The following SHROOM3 variants were observed in gnomAD, a reference collection of about 807,000 sequenced individuals.
SHROOM3 encodes shroom family member 3.
In SHROOM3, 47 loss-of-function variants were observed where a neutral mutation model predicts 138.6. That is an observed-to-expected ratio of 0.34 (90% CI 0.27 to 0.43). The LOEUF is 0.43. Among genes scored for constraint, SHROOM3 ranks in the 20% least tolerant of loss-of-function variants. The pLI is 1.00. For synonymous variants in SHROOM3, 1,062 were observed against 1,063.3 expected (o/e 1.00, Z 0.02); for missense variants, 2,491 against 2,596.5 (o/e 0.96, Z 0.88).
At chr4:76,715,015 A>G (rs947374492) in intron 3 of SHROOM3, among the ~76,000 whole-genome samples, 1 of 152,216 alleles carries the variant, frequency 6.6e-6, no homozygotes, top group East Asian at 1.9e-4. Flanking sequence ...ACTGCAGACC[A>G]TGATGTGCTA....
At chr4:76,753,203 G>C (rs1442590763) in intron 6 of SHROOM3, among the ~76,000 whole-genome samples, 1 of 152,200 alleles carries the variant, frequency 6.6e-6, no homozygotes, top group Non-Finnish European at 1.5e-5. Flanking sequence ...GAAGGGAGGG[G>C]TTGCATCAGA....
At chr4:76,440,123 A>G (rs1342212407) in intron 1 of SHROOM3, among the ~76,000 whole-genome samples, 1 of 152,238 alleles carries the variant, frequency 6.6e-6, no homozygotes, top group African/African-American at 2.4e-5. Context: ...AGTAACAACA[A>G]TAAACAACAA....
chr4:76,667,951 A>G (rs1222077330), intron 2 of SHROOM3, among the ~76,000 whole-genome samples: 1 of 126,154 alleles, frequency 7.9e-6, no homozygotes, highest in East Asian at 2.6e-4. Context: ...TGGGCGACAG[A>G]AGGAGACTCC....
chr4:76,740,238 C>A lies in SHROOM3; in HGVS notation c.2065C>A (p.Pro689Thr). The A allele has an allele frequency of 6.2e-7, 1 of 1,613,328 alleles. No individual in the cohort carries two copies. The highest frequency in any genetic ancestry group is 8.5e-7 in the Non-Finnish European group (1 of 1,180,036). ...AGGCCGGGGAACCCAGGAGGGTTAC[C>A]CCGGGGGCAGGCCCACCTGTGCAGT... ...ELGRGTQEGY[P>T]GGRPTCAVNT... is the part of the protein sequence containing the mutation. Residue 689 changes from proline (P) to threonine (T), a missense_variant, in exon 5 of 11, where the codon CCC becomes ACC. Physicochemically the swap from Pro to Thr is conservative, Grantham distance 38 (BLOSUM62 -1). Coordinates refer to ENST00000296043, the MANE Select transcript of SHROOM3 (RefSeq NM_020859.4). This position sits in a 1 kb window ranked among gnomAD's most constrained non-coding sequence, Gnocchi z 4.0.
chr4:76,754,658 A>G lies in SHROOM3; in HGVS notation c.4175A>G (p.His1392Arg). 1 of 1,614,174 alleles carries G rather than the reference A, an allele frequency of 6.2e-7. No individual in the cohort carries two copies. Among genetic ancestry groups the G allele is most frequent in the Non-Finnish European group, 8.5e-7 (1 of 1,180,020 alleles). The part of the protein sequence containing the change: ...TPAMMHRSNG[H>R]TLTQPPGPRG... ...GCCATGATGCACAGAAGCAATGGTC[A>G]CACCCTGACCCAGCCTCCCGGTCCA... is the stretch of plus-strand genomic sequence containing the variant. Residue 1392 changes from histidine (H) to arginine (R), a missense_variant, in exon 7 of 11, where the codon CAC becomes CGC. Physicochemically the swap from His to Arg is conservative, Grantham distance 29 (BLOSUM62 0). This residue lies in a region of SHROOM3 where 1,733 missense variants were observed against 1,661.6 expected (regional missense o/e 1.04). Transcript: ENST00000296043.
At chr4:76,763,872 T>C (rs1722066278) in intron 9 of SHROOM3, among the ~76,000 whole-genome samples, 2 of 152,230 alleles carry the variant, frequency 1.3e-5, no homozygotes, top group Admixed American at 6.5e-5. Context: ...CTTTAATATA[T>C]TCAGCAAAAT....
At chr4:76,608,951 C>T (rs1247997844) in intron 2 of SHROOM3, among the ~76,000 whole-genome samples, 1 of 152,086 alleles carries the variant, frequency 6.6e-6, no homozygotes, top group Non-Finnish European at 1.5e-5. Context: ...GGGCCCTGGA[C>T]CAGCAGCATT....
intron 1 of SHROOM3, among the ~76,000 whole-genome samples, chr4:76,471,065 C>G (rs1205421501): frequency 6.6e-6 from 1 of 152,084 alleles, no homozygotes; most frequent in African/African-American, 2.4e-5. Flanking sequence ...TTACGATACT[C>G]AACTCCACTT....
intron 2 of SHROOM3, among the ~76,000 whole-genome samples, chr4:76,598,213 A>T (rs1316062764): frequency 6.6e-6 from 1 of 151,738 alleles, no homozygotes; most frequent in Non-Finnish European, 1.5e-5. Context: ...TTTTTAGTAG[A>T]GACGGGGTTT....
intron 2 of SHROOM3, among the ~76,000 whole-genome samples, chr4:76,681,605 G>GTT (rs1719197084): frequency 7.7e-6 from 1 of 130,060 alleles, no homozygotes; most frequent in South Asian, 2.8e-4. Context: ...GTGTGTGTGT[G>GTT]TGTGTGTGTG....
At chr4:76,688,385 C>G (rs938965750) in intron 2 of SHROOM3, 8 of 985,172 alleles carry the variant, frequency 8.1e-6, no homozygotes, top group Admixed American at 6.1e-5. Context: ...AATGTGGTAT[C>G]AGCTGTTTGG....
chr4:76,679,057 C>T (rs916203042), intron 2 of SHROOM3, among the ~76,000 whole-genome samples: 2 of 152,144 alleles, frequency 1.3e-5, no homozygotes, highest in Non-Finnish European at 2.9e-5. Context: ...TCTTGGTCAG[C>T]GAAGCTGCTC....
chr4:76,694,427 C>G (rs1244517218), intron 2 of SHROOM3, among the ~76,000 whole-genome samples: 2 of 152,192 alleles, frequency 1.3e-5, no homozygotes, highest in Non-Finnish European at 2.9e-5. Flanking sequence ...GTTTAAAATC[C>G]TAGTTCTTTT....
At chr4:76,537,066 T>C (rs1323093790) in intron 1 of SHROOM3, among the ~76,000 whole-genome samples, 1 of 152,070 alleles carries the variant, frequency 6.6e-6, no homozygotes, top group African/African-American at 2.4e-5. Context: ...TGAGCCGAGA[T>C]CGCACCACTG....
intron 2 of SHROOM3, among the ~76,000 whole-genome samples, chr4:76,648,959 T>C (rs1200056557): frequency 6.7e-6 from 1 of 149,744 alleles, no homozygotes; most frequent in African/African-American, 2.5e-5. Flanking sequence ...CCTCAGCCAT[T>C]GATTAAATAA....
Position 76,739,506 on chromosome 4 carries a change from C to T in SHROOM3, c.1333C>T (p.Pro445Ser), listed in dbSNP as rs748600991. The T allele has an allele frequency of 2.3e-5, 37 of 1,614,012 alleles. No homozygotes were observed. Among genetic ancestry groups the T allele is most frequent in the Non-Finnish European group, 2.0e-5 (24 of 1,179,984 alleles). Residue 445 changes from proline to serine, a missense_variant, in exon 5 of 11, where the codon CCA (proline) becomes TCA (serine). This residue lies in a region of SHROOM3 where 1,733 missense variants were observed against 1,661.6 expected (regional missense o/e 1.04). Transcript: ENST00000296043. ...GGAGAAGAGTCCAGAGAACAGCCCCCCAGTGAAGCCCAAGCATAACTATAC... is the reference window on the plus strand; with the variant it reads ...GGAGAAGAGTCCAGAGAACAGCCCCTCAGTGAAGCCCAAGCATAACTATAC... Reference protein sequence around the residue: ...VLEKSPENSPPVKPKHNYTQK... With the variant: ...VLEKSPENSPSVKPKHNYTQK...
intron 2 of SHROOM3, among the ~76,000 whole-genome samples, chr4:76,565,641 C>G (rs1733705881): frequency 6.6e-6 from 1 of 152,044 alleles, no homozygotes; most frequent in Non-Finnish European, 1.5e-5. Flanking sequence ...CACCACCACA[C>G]CCAGATAATT....
chr4:76,443,187 A>C (rs1730733011), intron 1 of SHROOM3, among the ~76,000 whole-genome samples: 1 of 152,194 alleles, frequency 6.6e-6, no homozygotes, highest in Admixed American at 6.5e-5. Flanking sequence ...TTTTTAGTAC[A>C]AATTAATTTT....
intron 2 of SHROOM3, among the ~76,000 whole-genome samples, chr4:76,657,779 T>C (rs2110091489): frequency 6.6e-6 from 1 of 152,334 alleles, no homozygotes; most frequent in Middle Eastern, 3.4e-3. Flanking sequence ...GAGAACAAAC[T>C]GTCTCCGGGC....
Sources: allele counts gnomAD v4.1 joint callset (sites outside exome capture counted in the v4.1 genomes callset), GRCh38; gene constraint gnomAD v4.1.1; regional missense constraint gnomAD v4.1.1; non-coding constraint Gnocchi (gnomAD v3.1); transcripts MANE v1.5; gene names NCBI Gene and HGNC (gene_info 2026-07-23, HGNC 2026-07-21).